LRRC8B: variants seen among roughly 807,000 people sequenced by gnomAD.
LRRC8B encodes volume-regulated anion channel subunit LRRC8B.
In LRRC8B, 23 loss-of-function variants were observed where a neutral mutation model predicts 58.8. The ratio of observed to expected loss-of-function variants is 0.39; its 90% CI spans 0.28 to 0.55. The LOEUF (loss-of-function observed/expected upper bound fraction) is 0.55. Among genes scored for constraint, LRRC8B ranks in the 20% least tolerant of loss-of-function variants. LRRC8B has a pLI of 0.62. For missense variants in LRRC8B, 694 were observed against 936.0 expected, an observed-to-expected ratio of 0.74 and a Z score of 3.37; for synonymous variants, 359 against 374.1, an observed-to-expected ratio of 0.96 and a Z score of 0.47.
chr1:89,535,453 A>T (rs2100808172), intron 1 of LRRC8B, among the ~76,000 whole-genome samples: 1 of 152,304 alleles, frequency 6.6e-6, no homozygotes. Flanking sequence ...AGGTGGAAGG[A>T]TGCAGTGAGT....
chr1:89,562,182 C>CACACACACACACACACA (rs1557607163), intron 1 of LRRC8B, among the ~76,000 whole-genome samples: 4 of 150,852 alleles, frequency 2.7e-5, no homozygotes, highest in South Asian at 2.1e-4. Flanking sequence ...CACACACACA[C>CACACACACACACACACA]CCTCTGCATT....
chr1:89,592,753 T>G lies in LRRC8B; in HGVS notation c.2140-18T>G, dbSNP rs1460256668. ...CCAAAAACCTATTTTACCAGCTTCT[T>G]TTTTCTTCCCTTTCCAGATTGAGAT... On this transcript the variant is annotated intron_variant, in intron 5 of 5. Coordinates refer to ENST00000330947, the MANE Select transcript of LRRC8B (RefSeq NM_001369817.2). 2 of 1,609,314 alleles carry G rather than the reference T, an allele frequency of 1.2e-6. No homozygotes were observed. The highest frequency in any genetic ancestry group is 3.4e-5 in the Admixed American group (2 of 59,146).
chr1:89,575,303 A>C (rs577866271), intron 3 of LRRC8B, among the ~76,000 whole-genome samples: 1 of 152,290 alleles, frequency 6.6e-6, no homozygotes, highest in East Asian at 1.9e-4. Context: ...CCTATGCCTT[A>C]AAAGAGCTGT....
At chr1:89,546,152 G>T (rs569225148) in intron 1 of LRRC8B, among the ~76,000 whole-genome samples, 3 of 152,116 alleles carry the variant, frequency 2.0e-5, no homozygotes, top group Non-Finnish European at 2.9e-5. Context: ...ATGTTCAAAG[G>T]CATAGTAGGA....
In LRRC8B at chr1:89,562,489, C is replaced by T. The variant is rs750233966; in HGVS notation, c.-240-5758C>T. On this transcript the variant is annotated intron_variant, in intron 1 of 5. Transcript: ENST00000330947. ...CTATTTATCCTTTTTTTTTTCTTTC[C>T]GAGACTTGGTCTCACTCTGTCACCC... Among the ~76,000 whole-genome samples, 18 of 151,002 alleles carry T rather than the reference C, an allele frequency of 1.2e-4. No homozygotes were observed. The East Asian group carries it at 1.9e-3, about 16-fold the overall frequency.
intron 3 of LRRC8B, among the ~76,000 whole-genome samples, chr1:89,576,620 T>C (rs771718712): frequency 2.6e-5 from 4 of 152,172 alleles, no homozygotes; most frequent in Admixed American, 1.3e-4. Flanking sequence ...ACCTTACAAA[T>C]TGGCAACTCT....
At chr1:89,590,232 A>C (rs1654890960) in intron 5 of LRRC8B, among the ~76,000 whole-genome samples, 1 of 152,170 alleles carries the variant, frequency 6.6e-6, no homozygotes, top group Non-Finnish European at 1.5e-5. Flanking sequence ...GTTTTCTAAC[A>C]TTTTTTATAG....
At chr1:89,536,120 C>T (rs1570558818) in intron 1 of LRRC8B, among the ~76,000 whole-genome samples, 1 of 152,202 alleles carries the variant, frequency 6.6e-6, no homozygotes, top group Admixed American at 6.5e-5. Flanking sequence ...CCCAACACAT[C>T]ACTTACTATG....
chr1:89,574,912 G>A (rs982299372), intron 3 of LRRC8B, among the ~76,000 whole-genome samples: 31 of 152,156 alleles, frequency 2.0e-4, no homozygotes, highest in East Asian at 1.9e-4. Context: ...TCGTTAAAAC[G>A]TCAAAAAGAT....
chr1:89,535,744 C>T (rs1650482140), intron 1 of LRRC8B, among the ~76,000 whole-genome samples: 1 of 152,112 alleles, frequency 6.6e-6, no homozygotes, highest in South Asian at 2.1e-4. Context: ...TGACAGTCAT[C>T]TGGGTGAGTG....
chr1:89,567,338 A>G (rs926515842), intron 1 of LRRC8B, among the ~76,000 whole-genome samples: 2 of 152,210 alleles, frequency 1.3e-5, no homozygotes, highest in African/African-American at 4.8e-5. Flanking sequence ...AAACTCCGCT[A>G]TATTTTGTTA....
chr1:89,572,022 A>G (rs995994127), intron 3 of LRRC8B, among the ~76,000 whole-genome samples: 3 of 152,208 alleles, frequency 2.0e-5, no homozygotes, highest in East Asian at 1.9e-4. Context: ...GTCTCCTACT[A>G]TTTTTGATTG....
At chr1:89,575,734 C>T (rs1046732581) in intron 3 of LRRC8B, among the ~76,000 whole-genome samples, 2 of 151,950 alleles carry the variant, frequency 1.3e-5, no homozygotes, top group African/African-American at 4.8e-5. Context: ...TTATTGTGCC[C>T]CATGTGCTGG....
rs1655198823 is a variant in LRRC8B at position 89,594,718 on chromosome 1, T to A, written c.*1675T>A. 1 of 152,184 alleles carries A rather than the reference T, an allele frequency of 6.6e-6. No homozygotes were observed. Among genetic ancestry groups the A allele is most frequent in the South Asian group, 2.1e-4 (1 of 4,834 alleles). The allele number at this position is 152,184 out of a possible 1,614,324, so 9.4% of individuals were successfully genotyped here. A position where few individuals can be genotyped will look rare whatever the true frequency, so the allele number is the denominator to read the frequency against. On this transcript the variant is annotated 3_prime_UTR_variant, in exon 6 of 6. Coordinates refer to ENST00000330947, the MANE Select transcript of LRRC8B (RefSeq NM_001369817.2). ...AAGAGCTTTGTGCTTGGCCTTTTAT[T>A]ATGCATATTTTTAATGAATAAAATC...
At chr1:89,557,592 G>A (rs1652284429) in intron 1 of LRRC8B, among the ~76,000 whole-genome samples, 1 of 152,152 alleles carries the variant, frequency 6.6e-6, no homozygotes. Context: ...AGATGATGGT[G>A]GAGGCAGGCC....
At chr1:89,538,702 A>C (rs1041381792) in intron 1 of LRRC8B, among the ~76,000 whole-genome samples, 2 of 151,162 alleles carry the variant, frequency 1.3e-5, no homozygotes, top group African/African-American at 4.8e-5. Context: ...TTAAATTAGC[A>C]TCTTCGAGGT....
At chr1:89,552,323 A>T (rs767574622) in intron 1 of LRRC8B, among the ~76,000 whole-genome samples, 13 of 152,152 alleles carry the variant, frequency 8.5e-5, no homozygotes, top group Non-Finnish European at 2.9e-5. Context: ...CCCACACCCA[A>T]TCTCCTTGGA....
At chr1:89,543,423 G>C (rs1197328440) in intron 1 of LRRC8B, among the ~76,000 whole-genome samples, 1 of 151,974 alleles carries the variant, frequency 6.6e-6, no homozygotes, top group Non-Finnish European at 1.5e-5. Flanking sequence ...CCAGTGAGTG[G>C]TAGTTTTCTT....
At position 89,583,407 on chromosome 1, in the gene LRRC8B, A is replaced by G; in HGVS notation, c.757A>G (p.Ile253Val). Residue 253 changes from isoleucine to valine, a missense_variant, in exon 5 of 6, where the codon ATC (isoleucine) becomes GTC (valine). By Grantham distance (29) the Ile-to-Val change is conservative. Coordinates refer to ENST00000330947, the MANE Select transcript of LRRC8B (RefSeq NM_001369817.2). This position sits in a 1 kb window ranked among gnomAD's most constrained non-coding sequence, Gnocchi z 5.2. The stretch of plus-strand genomic sequence containing the variant: ...CCGCATGCATGTGGAGCAGAAGGAC[A>G]TCATTTATAGAGTATATCTGAAACA... ...RFRMHVEQKD[I>V]IYRVYLKQII... is the part of the protein sequence containing the mutation. The G allele has an allele frequency of 1.9e-6, 3 of 1,614,226 alleles. No homozygotes were observed. Among genetic ancestry groups the G allele is most frequent in the Non-Finnish European group, 2.5e-6 (3 of 1,180,048 alleles).
Sources: gnomAD v4.1 joint callset for allele counts (sites outside exome capture counted in the v4.1 genomes callset) on GRCh38, gnomAD v4.1.1 for gene constraint, Gnocchi (gnomAD v3.1) non-coding constraint, MANE v1.5 for transcripts, NCBI Gene and HGNC (gene_info 2026-07-23, HGNC 2026-07-21) for gene names.